The following RNF170 variants were observed in gnomAD, a reference collection of about 807,000 sequenced individuals.
The protein encoded by RNF170 is E3 ubiquitin-protein ligase RNF170.
In RNF170, 12 loss-of-function variants were observed where a neutral mutation model predicts 32.7. The ratio of observed to expected loss-of-function variants is 0.37; its 90% CI spans 0.24 to 0.60. The LOEUF (loss-of-function observed/expected upper bound fraction) is 0.60. Among genes scored for constraint, RNF170 ranks in the 20% least tolerant of loss-of-function variants. The pLI is 0.72. For synonymous variants in RNF170, 91 were observed against 103.6 expected, an observed-to-expected ratio of 0.88 and a Z score of 0.74; for missense variants, 212 against 311.2, an observed-to-expected ratio of 0.68 and a Z score of 2.40.
At chr8:42,880,804 T>C (rs1805334224) in intron 2 of RNF170, among the ~76,000 whole-genome samples, 1 of 152,104 alleles carries the variant, frequency 6.6e-6, no homozygotes, top group African/African-American at 2.4e-5. Context: ...ACCTCAACTG[T>C]CAGCAACCAC....
At chr8:42,853,253 C>G, downstream of RNF170, 1 of 986,756 alleles carries the variant, frequency 1.0e-6, no homozygotes, top group Non-Finnish European at 1.3e-6. Context: ...TTCAGGAGTT[C>G]TGAAAGCAAA....
chr8:42,869,981 C>A, intron 4 of RNF170, 23 bp downstream of exon 4: 2 of 1,554,236 alleles, frequency 1.3e-6, no homozygotes, highest in South Asian at 1.1e-5. Flanking sequence ...TCACTTTTCC[C>A]AAGTATAGCG....
At chr8:42,895,830 T>C (rs1259289068) in intron 1 of RNF170, among the ~76,000 whole-genome samples, 4 of 152,158 alleles carry the variant, frequency 2.6e-5, no homozygotes, top group Non-Finnish European at 4.4e-5. Flanking sequence ...GGTAAAGCTG[T>C]AAGGAAATGA....
chr8:42,854,367 G>C lies in RNF170; in HGVS notation c.*1792C>G. The C allele has an allele frequency of 7.8e-7, 1 of 1,287,160 alleles. No homozygotes were observed. The highest frequency in any genetic ancestry group is 1.2e-5 in the South Asian group (1 of 80,936). The allele number at this position is 1,287,160 out of a possible 1,614,324, so 79.7% of individuals were successfully genotyped here. On this transcript the variant is annotated 3_prime_UTR_variant, in exon 7 of 7. Coordinates refer to ENST00000527424, the MANE Select transcript of RNF170 (RefSeq NM_030954.4). Reference sequence around the variant, plus strand: ...GTAATGCCACTTTGATCAGTTATTTGTTGTATGACTTCATTCAAAAACACT... The same window carrying C: ...GTAATGCCACTTTGATCAGTTATTTCTTGTATGACTTCATTCAAAAACACT...
rs1803195168 is a variant in RNF170, at chr8:42,855,606, C to T, written c.*553G>A. The T allele has an allele frequency of 4.7e-6, 6 of 1,277,954 alleles. No homozygotes were observed. The highest frequency in any genetic ancestry group is 4.6e-5 in the African/African-American group (3 of 65,540). 79.2% of individuals were successfully genotyped at this position (1,277,954 alleles called of 1,614,324 possible). Reference sequence around the variant, plus strand: ...AAGTTCAAGTTTCTTCTTTCAGTTTCAGCTGATAGCAAATAATTAATTATA... The same window carrying T: ...AAGTTCAAGTTTCTTCTTTCAGTTTTAGCTGATAGCAAATAATTAATTATA... On this transcript the variant is annotated 3_prime_UTR_variant, in exon 7 of 7. Transcript: ENST00000527424.
chr8:42,895,226 G>T (rs1377885283), intron 1 of RNF170, among the ~76,000 whole-genome samples: 1 of 152,008 alleles, frequency 6.6e-6, no homozygotes, highest in African/African-American at 2.4e-5. Flanking sequence ...GAGGTAGGAG[G>T]ATCACTTGAG....
intron 1 of RNF170, among the ~76,000 whole-genome samples, chr8:42,890,277 CTTTTT>C (rs201824916): frequency 7.2e-6 from 1 of 138,022 alleles, no homozygotes; most frequent in Non-Finnish European, 1.6e-5. Context: ...TTTTTTGAGA[CTTTTT>C]TTTTTCTTTT....
At chr8:42,893,720 T>C (rs1483788871) in intron 1 of RNF170, among the ~76,000 whole-genome samples, 1 of 152,226 alleles carries the variant, frequency 6.6e-6, no homozygotes, top group East Asian at 1.9e-4. Flanking sequence ...ATGATAAAAC[T>C]AGCCATGTTT....
intron 3 of RNF170, among the ~76,000 whole-genome samples, chr8:42,872,600 GC>G (rs1287320377): frequency 6.6e-6 from 1 of 151,912 alleles, no homozygotes; most frequent in African/African-American, 2.4e-5. Flanking sequence ...GCGCCACCAT[GC>G]CCGGCCAATT....
At chr8:42,890,483 T>C (rs2128955846) in intron 1 of RNF170, among the ~76,000 whole-genome samples, 1 of 152,158 alleles carries the variant, frequency 6.6e-6, no homozygotes, top group South Asian at 2.1e-4. Flanking sequence ...TTCACTGTGT[T>C]AGCCAGGATG....
At chr8:42,860,938 G>A (rs1478050557) in intron 6 of RNF170, among the ~76,000 whole-genome samples, 2 of 150,730 alleles carry the variant, frequency 1.3e-5, no homozygotes, top group Non-Finnish European at 3.0e-5. Context: ...GGCTGGTCTC[G>A]AACTGCTGAC....
intron 2 of RNF170, among the ~76,000 whole-genome samples, chr8:42,882,728 A>C (rs966081164): frequency 1.3e-5 from 2 of 152,142 alleles, no homozygotes; most frequent in Non-Finnish European, 2.9e-5. Flanking sequence ...GGGAGTTGCT[A>C]CTTAGATGGG....
intron 4 of RNF170, among the ~76,000 whole-genome samples, chr8:42,868,119 CTT>C (rs1452676942): frequency 6.6e-6 from 1 of 152,160 alleles, no homozygotes; most frequent in Non-Finnish European, 1.5e-5. Flanking sequence ...GCATTTTATA[CTT>C]TGTTAGCTAC....
At chr8:42,896,368 T>C in intron 1 of RNF170, 116 bp downstream of exon 1, 1 of 424,104 alleles carries the variant, frequency 2.4e-6, no homozygotes, top group South Asian at 1.6e-5. Flanking sequence ...AGGCGGCGAC[T>C]CCCGCCGCCC....
At chr8:42,851,569 A>T (rs1445273609), downstream of RNF170, among the ~76,000 whole-genome samples, 1 of 151,572 alleles carries the variant, frequency 6.6e-6, no homozygotes, top group Non-Finnish European at 1.5e-5. Flanking sequence ...CGTCTCAAAA[A>T]AAAAAAAAAA....
chr8:42,883,900 C>G (rs1805610949), intron 2 of RNF170, among the ~76,000 whole-genome samples: 1 of 151,940 alleles, frequency 6.6e-6, no homozygotes, highest in Admixed American at 6.6e-5. Context: ...CATCATGATT[C>G]CCTCAGTAAT....
intron 2 of RNF170, among the ~76,000 whole-genome samples, chr8:42,885,061 T>C (rs1317963082): frequency 1.3e-5 from 2 of 151,082 alleles, no homozygotes; most frequent in Non-Finnish European, 2.9e-5. Context: ...TATCTTTCCA[T>C]CGCCTGAGAG....
intron 3 of RNF170, among the ~76,000 whole-genome samples, chr8:42,872,262 TGA>T (rs1158738132): frequency 6.6e-6 from 1 of 152,216 alleles, no homozygotes; most frequent in African/African-American, 2.4e-5. Flanking sequence ...ATTGCTAGTG[TGA>T]GTGTTAGCAA....
intron 1 of RNF170, among the ~76,000 whole-genome samples, chr8:42,890,653 G>A (rs1372851586): frequency 1.3e-5 from 2 of 152,126 alleles, no homozygotes; most frequent in Admixed American, 6.5e-5. Context: ...AGTATTGCAT[G>A]TCCATATTAT....
Sources: gnomAD v4.1 joint callset for allele counts (sites outside exome capture counted in the v4.1 genomes callset) on GRCh38, gnomAD v4.1.1 for gene constraint, MANE v1.5 for transcripts, NCBI Gene and HGNC (gene_info 2026-07-23, HGNC 2026-07-21) for gene names.